The following ATP5F1A variants were observed in gnomAD, a reference collection of about 807,000 sequenced individuals.
The protein encoded by ATP5F1A is ATP synthase F1 subunit alpha.
In ATP5F1A, 24 loss-of-function variants were observed where a neutral mutation model predicts 57.4. That is an observed-to-expected ratio of 0.42 (90% CI 0.30 to 0.59). The LOEUF (loss-of-function observed/expected upper bound fraction) is 0.59, where lower values mean the gene tolerates loss of function less well. ATP5F1A is among the 20% of genes least tolerant of loss of function. The pLI, the probability that ATP5F1A is intolerant of heterozygous loss-of-function variation, is 0.19. For synonymous variants in ATP5F1A, 251 were observed against 255.5 expected, an observed-to-expected ratio of 0.98 and a Z score of 0.17; for missense variants, 494 against 707.9, an observed-to-expected ratio of 0.70 and a Z score of 3.43.
upstream of ATP5F1A, among the ~76,000 whole-genome samples, chr18:46,102,342 G>C (rs988004949): frequency 4.6e-5 from 7 of 150,834 alleles, no homozygotes; most frequent in East Asian, 1.4e-3. Context: ...TTTGTTTTTT[G>C]TGGTGGATTC....
At chr18:46,094,186 C>CACACACACACAT (rs140950200) in intron 2 of ATP5F1A, among the ~76,000 whole-genome samples, 12,558 of 150,934 alleles carry the variant, frequency 0.083, 701 homozygotes, top group East Asian at 0.33. Context: ...CACACACACA[C>CACACACACACAT]ATATACACAC....
In ATP5F1A at chr18:46,086,161, A is replaced by T; in HGVS notation, c.1381T>A (p.Leu461Met). 6.2e-7 allele frequency: 1 copy of T among 1,612,308 alleles called. No individual in the cohort carries two copies. The highest frequency in any genetic ancestry group is 1.3e-5 in the African/African-American group (1 of 74,958). The change falls in exon 10 of 12, where the codon TTG becomes ATG. Residue 461 changes from leucine to methionine, a missense_variant. Leu to Met is a conservative substitution (Grantham distance 15). This residue lies in a region of ATP5F1A where 127 missense variants were observed against 195.2 expected (regional missense o/e 0.65). Coordinates refer to ENST00000398752, the MANE Select transcript of ATP5F1A (RefSeq NM_004046.6). ...SDLDAATQQL[L>M]SRGVRLTELL... ...TCAGTTAGACGCACGCCACGACTCA[A>T]AAGTTGTTGAGTGGCAGCATCGAGG...
Position 46,087,538 on chromosome 18 carries a change from T to C in ATP5F1A, c.800-46A>G, listed in dbSNP as rs1599772485. 12 of 1,593,036 alleles carry C rather than the reference T, an allele frequency of 7.5e-6. No individual in the cohort carries two copies. In the East Asian group the frequency reaches 2.5e-4, roughly 33 times the overall value. On this transcript the variant is annotated intron_variant, in intron 6 of 11. Transcript: ENST00000398752. ...ATTTTATCAATATTGTGGTTTTAAA[T>C]TGGAGGCTACTATAAAAATTACCTA...
intron 6 of ATP5F1A, 163 bp from the exon 7 acceptor site, chr18:46,087,655 T>C (rs1910220877): frequency 2.6e-6 from 2 of 758,664 alleles, no homozygotes; most frequent in South Asian, 1.9e-5. Context: ...CCTAGGCGGG[T>C]GATCACCTGA....
intron 2 of ATP5F1A, 190 bp downstream of exon 2, chr18:46,094,860 CAGT>C (rs1269416436): frequency 1.5e-5 from 12 of 821,062 alleles, no homozygotes; most frequent in Non-Finnish European, 1.8e-5. Context: ...AAATATGTAA[CAGT>C]AGTTCATTTG....
rs1909935522 is a variant in ATP5F1A, at chr18:46,084,430, C to T, written c.1581-67G>A. On this transcript the variant is annotated intron_variant, in intron 11 of 11. Transcript: ENST00000398752. ...AAAGTTTTAATGACTAGCCTAACTA[C>T]AGATTTGAAAATAATTTTAACTTCA... 3.2e-6 allele frequency: 5 copies of T among 1,578,314 alleles called. No individual in the cohort carries two copies. The Admixed American group carries it at 5.9e-5, about 19-fold the overall frequency.
Position 46,088,235 on chromosome 18 carries a change from T to A in ATP5F1A, c.673A>T (p.Thr225Ser). 6.3e-7 allele frequency: 1 copy of A among 1,584,550 alleles called. No individual in the cohort carries two copies. Among genetic ancestry groups the A allele is most frequent in the African/African-American group, 1.4e-5 (1 of 72,964 alleles). The stretch of plus-strand genomic sequence containing the variant: ...TTGAAACGTTTCTGGTTAATGATTG[T>A]GTCAATAGCAATTGAGGTTTTCCTT... ...QTGKTSIAIDTIINQKRFNDG... is the reference protein window; with the variant it reads ...QTGKTSIAIDSIINQKRFNDG... The change falls in exon 6 of 12, where the codon ACA (threonine) becomes TCA (serine). Residue 225 changes from threonine (T) to serine (S), a missense_variant. By Grantham distance (58) the Thr-to-Ser change is moderately conservative. This residue lies in a region of ATP5F1A where 191 missense variants were observed against 267.7 expected (regional missense o/e 0.71). Coordinates refer to ENST00000398752, the MANE Select transcript of ATP5F1A (RefSeq NM_004046.6).
chr18:46,100,500 G>A (rs916273186), upstream of ATP5F1A, among the ~76,000 whole-genome samples: 5 of 151,744 alleles, frequency 3.3e-5, no homozygotes, highest in African/African-American at 9.7e-5. Flanking sequence ...ATCCCAACAC[G>A]TTGGGAAGCC....
intron 5 of ATP5F1A, chr18:46,088,493 G>C (rs1910293469): frequency 2.8e-6 from 1 of 357,212 alleles, no homozygotes; most frequent in Admixed American, 4.6e-5. Flanking sequence ...AGGTTTAACG[G>C]ATTTAGGGCT....
intron 1 of ATP5F1A, among the ~76,000 whole-genome samples, chr18:46,103,535 A>T (rs1020250460): frequency 1.5e-5 from 2 of 132,380 alleles, no homozygotes; most frequent in Admixed American, 9.0e-5. Context: ...CGGGAAGCAG[A>T]GGTGGCAGTG....
At chr18:46,100,268 A>G (rs1180778418), upstream of ATP5F1A, among the ~76,000 whole-genome samples, 4 of 150,992 alleles carry the variant, frequency 2.6e-5, no homozygotes, top group South Asian at 2.1e-4. Flanking sequence ...AAAAAAAAAA[A>G]AAAAGAAAGA....
At chr18:46,097,124 C>A (rs901220839) in intron 1 of ATP5F1A, among the ~76,000 whole-genome samples, 11 of 151,838 alleles carry the variant, frequency 7.2e-5, no homozygotes, top group African/African-American at 2.7e-4. Flanking sequence ...CCTTCAGTTT[C>A]TCCTTCAAGT....
At chr18:46,091,286 T>G (rs1423746943) in intron 3 of ATP5F1A, among the ~76,000 whole-genome samples, 1 of 152,228 alleles carries the variant, frequency 6.6e-6, no homozygotes, top group Non-Finnish European at 1.5e-5. Context: ...CTTTGAACAA[T>G]ATGTCTACTC....
intron 10 of ATP5F1A, 133 bp from the exon 11 acceptor site, chr18:46,084,787 A>T: frequency 1.1e-6 from 1 of 944,150 alleles, no homozygotes. Context: ...CACAATATCA[A>T]TGACCTAGAA....
intron 2 of ATP5F1A, chr18:46,094,806 A>C (rs1910822037): frequency 2.6e-6 from 1 of 382,256 alleles, no homozygotes; most frequent in African/African-American, 2.1e-5. Context: ...TTTCTACCCA[A>C]GGGCCATTAC....
chr18:46,094,890 C>A (rs762246166), intron 2 of ATP5F1A, 163 bp downstream of exon 2: 3 of 1,113,708 alleles, frequency 2.7e-6, no homozygotes, highest in Non-Finnish European at 3.5e-6. Context: ...ACAAGAGAAC[C>A]ATGACAGGGC....
upstream of ATP5F1A, among the ~76,000 whole-genome samples, chr18:46,099,070 T>A (rs1347685501): frequency 6.6e-6 from 1 of 152,080 alleles, no homozygotes; most frequent in Non-Finnish European, 1.5e-5. Context: ...AACCTGCACG[T>A]CCTGGACATG....
rs760979049 is a variant in ATP5F1A, at chr18:46,084,234, A to C, written c.*48T>G. On this transcript the variant is annotated 3_prime_UTR_variant, in exon 12 of 12. Transcript: ENST00000398752. ...CTTTTACAAATGGAACTAATTTACT[A>C]GAACAATGACAAAACTGAACTGGTA... 6.6e-7 allele frequency: 1 copy of C among 1,508,104 alleles called. No homozygotes were observed. Among genetic ancestry groups the C allele is most frequent in the African/African-American group, 1.4e-5 (1 of 72,314 alleles). The allele number at this position is 1,508,104 out of a possible 1,614,324, so 93.4% of individuals were successfully genotyped here. A position where few individuals can be genotyped will look rare whatever the true frequency, so the allele number is the denominator to read the frequency against.
chr18:46,095,463 C>T (rs750132316), intron 1 of ATP5F1A, among the ~76,000 whole-genome samples: 9 of 152,064 alleles, frequency 5.9e-5, no homozygotes, highest in Non-Finnish European at 8.8e-5. Flanking sequence ...TACAGGGGTG[C>T]GCCACCTCCA....
Sources: gnomAD v4.1 joint callset for allele counts (sites outside exome capture counted in the v4.1 genomes callset) on GRCh38, gnomAD v4.1.1 for gene constraint, gnomAD v4.1.1 regional missense constraint, MANE v1.5 for transcripts, NCBI Gene and HGNC (gene_info 2026-07-23, HGNC 2026-07-21) for gene names.